Variants in RIC3 observed in about 807,000 individuals in gnomAD.
RIC3 encodes protein RIC-3.
In RIC3, 28 loss-of-function variants were observed where a neutral mutation model predicts 27.3. That is an observed-to-expected ratio of 1.02 (90% CI 0.76 to 1.41). The LOEUF (loss-of-function observed/expected upper bound fraction) is 1.41, where lower values mean the gene tolerates loss of function less well. Ranked by LOEUF, RIC3 falls within the 40% of genes most tolerant of loss-of-function variation. The pLI is 0.00. For synonymous variants in RIC3, 184 were observed against 160.4 expected, an observed-to-expected ratio of 1.15 and a Z score of -1.11; for missense variants, 501 against 444.7, an observed-to-expected ratio of 1.13 and a Z score of -1.14.
At chr11:8,150,912 G>C (rs549287232) in intron 1 of RIC3, among the ~76,000 whole-genome samples, 1 of 152,316 alleles carries the variant, frequency 6.6e-6, no homozygotes, top group East Asian at 1.9e-4. Context: ...GTCTTAATAA[G>C]TGGTGTGGGG....
Position 8,126,618 on chromosome 11 carries a change from T to C in RIC3, c.670+41A>G, listed in dbSNP as rs79313028. The stretch of plus-strand genomic sequence containing the variant: ...TTAAAAATCTGTAACATCTCTTTTC[T>C]GGGCTGACAGCTAACAAAAAAATGA... On this transcript the variant is annotated intron_variant, in intron 5 of 5. Coordinates refer to ENST00000309737, the MANE Select transcript of RIC3 (RefSeq NM_001206671.4). 10,815 of 1,607,634 alleles carry C rather than the reference T, an allele frequency of 6.7e-3. 283 individuals are homozygous for C. Among genetic ancestry groups the C allele is most frequent in the Admixed American group, 0.063 (3,686 of 58,882 alleles).
rs572927035 is a variant in RIC3, at chr11:8,120,611, G to C, written c.670+6048C>G. Among the ~76,000 whole-genome samples, 6 of 151,972 alleles carry C rather than the reference G, an allele frequency of 3.9e-5. No individual in the cohort carries two copies. In the East Asian group the frequency reaches 1.2e-3, roughly 29 times the overall value. On this transcript the variant is annotated intron_variant, in intron 5 of 5. Transcript: ENST00000309737. Reference sequence around the variant, plus strand: ...TTGATGGGTGGAGCAAACCAACATGGCACATGTATACCTATGTAACAAACC... The same window carrying C: ...TTGATGGGTGGAGCAAACCAACATGCCACATGTATACCTATGTAACAAACC...
At chr11:8,136,128 T>C (rs749202326) in intron 4 of RIC3, among the ~76,000 whole-genome samples, 9 of 152,180 alleles carry the variant, frequency 5.9e-5, no homozygotes, top group African/African-American at 1.9e-4. Flanking sequence ...TCCTCACAAA[T>C]GTCATTTCAA....
chr11:8,105,344 T>C (rs182002140), downstream of RIC3: 2 of 152,344 alleles, frequency 1.3e-5, no homozygotes, highest in Admixed American at 6.5e-5. Context: ...TGGGACTCTA[T>C]ACTACCCTGG....
the RIC3 span, chr11:8,097,872 C>G: frequency 1.4e-6 from 2 of 1,444,606 alleles, no homozygotes; most frequent in South Asian, 1.2e-5. Context: ...GAGGGAGGGG[C>G]AGGGGCAAGC....
the RIC3 span, chr11:8,096,883 A>T: frequency 6.6e-7 from 1 of 1,514,138 alleles, no homozygotes; most frequent in Non-Finnish European, 9.2e-7. Flanking sequence ...ATGTGAAGAG[A>T]TGGACTCGTA....
the RIC3 span, among the ~76,000 whole-genome samples, chr11:8,098,258 G>C: frequency 6.6e-6 from 1 of 152,134 alleles, no homozygotes; most frequent in East Asian, 1.9e-4. Context: ...GCCTCCAGGT[G>C]GGGGCAGTGG....
chr11:8,160,030 A>C (rs1408788285), intron 1 of RIC3, among the ~76,000 whole-genome samples: 1 of 152,210 alleles, frequency 6.6e-6, no homozygotes, highest in African/African-American at 2.4e-5. Context: ...ATTGTAAAAA[A>C]AGAAAGAAAA....
At chr11:8,100,650 G>A in the RIC3 span, 2 of 1,584,618 alleles carry the variant, frequency 1.3e-6, no homozygotes, top group Non-Finnish European at 1.7e-6. Context: ...CCTAGTCTCT[G>A]CATGAGCTTC....
intron 1 of RIC3, among the ~76,000 whole-genome samples, chr11:8,150,400 G>C (rs1950110402): frequency 6.6e-6 from 1 of 152,186 alleles, no homozygotes; most frequent in Non-Finnish European, 1.5e-5. Flanking sequence ...CCAAGATCAA[G>C]AGTTTAAGAT....
chr11:8,165,134 T>C (rs554367751), intron 1 of RIC3, among the ~76,000 whole-genome samples: 12 of 152,316 alleles, frequency 7.9e-5, no homozygotes, highest in Middle Eastern at 3.4e-3. Context: ...CCATACAACC[T>C]AGAAATTCCA....
At chr11:8,104,405 A>G (rs1212869618), downstream of RIC3, 1 of 152,204 alleles carries the variant, frequency 6.6e-6, no homozygotes, top group East Asian at 1.9e-4. Flanking sequence ...TCTGGCTCCA[A>G]GGTGCTCTGT....
intron 1 of RIC3, among the ~76,000 whole-genome samples, chr11:8,164,474 A>G (rs989827190): frequency 6.6e-6 from 1 of 152,132 alleles, no homozygotes; most frequent in African/African-American, 2.4e-5. Flanking sequence ...AACTCTTACA[A>G]CTCAACAATA....
At chr11:8,096,530 G>C in the RIC3 span, among the ~76,000 whole-genome samples, 2 of 152,148 alleles carry the variant, frequency 1.3e-5, no homozygotes, top group African/African-American at 4.8e-5. Context: ...TGTGTGAATG[G>C]GAGTCTATAT....
intron 3 of RIC3, 125 bp from the exon 4 acceptor site, chr11:8,137,596 C>A: frequency 3.5e-6 from 2 of 574,466 alleles, no homozygotes; most frequent in Middle Eastern, 3.3e-4. Flanking sequence ...TGAAGAACAC[C>A]GCAGTTTTAT....
chr11:8,143,590 A>C (rs1386238592), intron 1 of RIC3, among the ~76,000 whole-genome samples: 1 of 152,128 alleles, frequency 6.6e-6, no homozygotes, highest in Non-Finnish European at 1.5e-5. Flanking sequence ...TATCGTGAAA[A>C]TGGCCATACT....
At chr11:8,101,952 G>A (rs2272383), downstream of RIC3, 170,293 of 325,226 alleles carry the variant, frequency 0.52, 49,887 homozygotes, top group Non-Finnish European at 0.63. Context: ...AAGGCCGCAA[G>A]AGGCATAGAG....
chr11:8,159,836 C>CA (rs1347769728), intron 1 of RIC3, among the ~76,000 whole-genome samples: 24 of 151,638 alleles, frequency 1.6e-4, no homozygotes, highest in African/African-American at 5.3e-4. Context: ...ACTAAAAATA[C>CA]AAAAAAAATT....
chr11:8,114,752 C>G (rs566954705), intron 5 of RIC3, among the ~76,000 whole-genome samples: 2 of 151,368 alleles, frequency 1.3e-5, no homozygotes, highest in African/African-American at 4.9e-5. Flanking sequence ...CAATAAATAA[C>G]TAAAACAAAA....
Sources: allele counts gnomAD v4.1 joint callset (sites outside exome capture counted in the v4.1 genomes callset), GRCh38; gene constraint gnomAD v4.1.1; transcripts MANE v1.5; gene names NCBI Gene and HGNC (gene_info 2026-07-23, HGNC 2026-07-21).